The following RYR3 variants were observed in gnomAD, a reference collection of about 807,000 sequenced individuals.
RYR3 encodes ryanodine receptor 3, also known as brain ryanodine receptor-calcium release channel.
Under a neutral mutation model 584.3 loss-of-function variants are expected in RYR3, and 207 were observed. The observed-to-expected ratio is 0.35, with a 90% confidence interval of 0.32 to 0.40. RYR3 has a LOEUF of 0.40. RYR3 is among the 10% of genes least tolerant of loss of function. RYR3 has a pLI of 1.00. For synonymous variants in RYR3, 2,416 were observed against 2,248.5 expected, an observed-to-expected ratio of 1.07 and a Z score of -2.11; for missense variants, 5,616 against 6,089.2, an observed-to-expected ratio of 0.92 and a Z score of 2.59.
chr15:33,665,059 A>G (rs2063418905), intron 36 of RYR3, among the ~76,000 whole-genome samples: 1 of 152,166 alleles, frequency 6.6e-6, no homozygotes, highest in Non-Finnish European at 1.5e-5. Flanking sequence ...TTTTCCAAGA[A>G]TTACTCCTGA....
intron 7 of RYR3, among the ~76,000 whole-genome samples, chr15:33,541,938 G>A (rs1053856853): frequency 6.6e-6 from 1 of 152,086 alleles, no homozygotes; most frequent in African/African-American, 2.4e-5. Context: ...TCTCAAGAAA[G>A]TTTTGGCTCA....
intron 52 of RYR3, among the ~76,000 whole-genome samples, chr15:33,743,415 C>G (rs1341616699): frequency 6.6e-6 from 1 of 152,218 alleles, no homozygotes; most frequent in Non-Finnish European, 1.5e-5. Context: ...CTCCACTTGG[C>G]CGTTGCGGCA....
chr15:33,739,991 A>T lies in RYR3; in HGVS notation c.7816A>T (p.Met2606Leu). 1 of 1,613,726 alleles carries T rather than the reference A, an allele frequency of 6.2e-7. No individual in the cohort carries two copies. Among genetic ancestry groups the T allele is most frequent in the Non-Finnish European group, 8.5e-7 (1 of 1,179,686 alleles). The change falls in exon 51 of 104, where the codon ATG becomes TTG. Residue 2606 changes from methionine to leucine, a missense_variant. Met to Leu is a conservative substitution (Grantham distance 15). Coordinates refer to ENST00000634891, the MANE Select transcript of RYR3 (RefSeq NM_001036.6). ...GNFDPKPINT[M>L]NFSLPEKLEY... Reference sequence around the variant, plus strand: ...CTTTGACCCAAAACCTATTAACACCATGAAGTGAGTCCAGAATCATCTCTG... The same window carrying T: ...CTTTGACCCAAAACCTATTAACACCTTGAAGTGAGTCCAGAATCATCTCTG...
At chr15:33,455,968 T>C (rs2047522053) in intron 1 of RYR3, among the ~76,000 whole-genome samples, 1 of 152,338 alleles carries the variant, frequency 6.6e-6, no homozygotes, top group Middle Eastern at 3.4e-3. Flanking sequence ...ACTGTTTCCT[T>C]AGATTGTATT....
intron 16 of RYR3, among the ~76,000 whole-genome samples, chr15:33,591,709 ATCT>A (rs1357458877): frequency 6.6e-6 from 1 of 152,196 alleles, no homozygotes; most frequent in Non-Finnish European, 1.5e-5. Context: ...ATTTTTTATT[ATCT>A]TCTTTGTTTT....
chr15:33,408,161 C>T (rs765809244), intron 1 of RYR3, among the ~76,000 whole-genome samples: 5 of 152,112 alleles, frequency 3.3e-5, no homozygotes, highest in Non-Finnish European at 5.9e-5. Context: ...AAGCTCTTCC[C>T]GCACCCCCTT....
chr15:33,755,331 A>T (rs1172253924), intron 58 of RYR3, among the ~76,000 whole-genome samples, 151 bp downstream of exon 58: 2 of 152,150 alleles, frequency 1.3e-5, no homozygotes. Flanking sequence ...CTTAAAAAAA[A>T]TCAATCCGGC....
intron 1 of RYR3, among the ~76,000 whole-genome samples, chr15:33,324,448 A>G (rs1969417986): frequency 6.6e-6 from 1 of 152,192 alleles, no homozygotes; most frequent in Non-Finnish European, 1.5e-5. Flanking sequence ...AGATGCTAAT[A>G]TCTTAGATAA....
In RYR3 at chr15:33,473,492, G is replaced by T. The variant is rs2049110755; in HGVS notation, c.125G>T (p.Gly42Val). ...AGGAAGTTCTGCCTGGCAGCCGAGG[G>T]ACTTGGGAATCGCCTGTGCTTCTTG... Reference protein sequence around the residue: ...EQRKFCLAAEGLGNRLCFLEP... With the variant: ...EQRKFCLAAEVLGNRLCFLEP... Residue 42 changes from glycine to valine, a missense_variant, in exon 2 of 104, where the codon GGA (glycine) becomes GTA (valine). Physicochemically the swap from Gly to Val is moderately radical, Grantham distance 109. Coordinates refer to ENST00000634891, the MANE Select transcript of RYR3 (RefSeq NM_001036.6). The T allele has an allele frequency of 1.2e-6, 2 of 1,613,960 alleles. No homozygotes were observed. The highest frequency in any genetic ancestry group is 1.7e-6 in the Non-Finnish European group (2 of 1,179,880).
chr15:33,837,466 T>C (rs1027792505), intron 88 of RYR3, among the ~76,000 whole-genome samples, 165 bp from the exon 89 acceptor site: 3 of 152,218 alleles, frequency 2.0e-5, no homozygotes, highest in Non-Finnish European at 2.9e-5. Flanking sequence ...CCTTGGCTCC[T>C]AGTGGTGTAG....
intron 74 of RYR3, among the ~76,000 whole-genome samples, chr15:33,814,322 A>G (rs976283236): frequency 6.6e-6 from 1 of 152,190 alleles, no homozygotes; most frequent in South Asian, 2.1e-4. Context: ...TCAATAAACA[A>G]AGCTGGTAAT....
chr15:33,462,965 GT>G (rs1442993647), intron 1 of RYR3, among the ~76,000 whole-genome samples: 1 of 152,062 alleles, frequency 6.6e-6, no homozygotes, highest in African/African-American at 2.4e-5. Flanking sequence ...GAGCCCAGAA[GT>G]TTGAGACCAG....
At chr15:33,737,218 C>T (rs1184951367) in intron 49 of RYR3, among the ~76,000 whole-genome samples, 1 of 152,234 alleles carries the variant, frequency 6.6e-6, no homozygotes, top group African/African-American at 2.4e-5. Flanking sequence ...CTCAGTCTCC[C>T]AAAGTGCTGG....
chr15:33,848,629 TCAGA>T (rs1177619774), intron 94 of RYR3, among the ~76,000 whole-genome samples: 11 of 152,184 alleles, frequency 7.2e-5, no homozygotes, highest in Admixed American at 2.0e-4. Flanking sequence ...GAAGATATTA[TCAGA>T]AAGTACTGAA....
At chr15:33,587,473 A>C (rs1268429356) in intron 16 of RYR3, among the ~76,000 whole-genome samples, 1 of 152,222 alleles carries the variant, frequency 6.6e-6, no homozygotes, top group South Asian at 2.1e-4. Context: ...CAAAAGCCAC[A>C]AAGCATTTGA....
At chr15:33,637,850 G>A (rs371399208) in intron 27 of RYR3, among the ~76,000 whole-genome samples, 3 of 151,778 alleles carry the variant, frequency 2.0e-5, no homozygotes, top group Non-Finnish European at 4.4e-5. Flanking sequence ...TGTGCACAAC[G>A]TGCAGGTTTG....
intron 18 of RYR3, among the ~76,000 whole-genome samples, chr15:33,607,477 G>T (rs1241638808): frequency 6.6e-6 from 1 of 152,110 alleles, no homozygotes; most frequent in South Asian, 2.1e-4. Flanking sequence ...GGTCTCTAGA[G>T]TTATTCAGAG....
intron 64 of RYR3, among the ~76,000 whole-genome samples, chr15:33,779,777 C>T (rs1244938133): frequency 1.3e-5 from 2 of 151,788 alleles, no homozygotes; most frequent in African/African-American, 4.8e-5. Context: ...CCGAGGCGGG[C>T]AGATCACAAG....
intron 18 of RYR3, among the ~76,000 whole-genome samples, chr15:33,610,202 A>G (rs990025293): frequency 1.3e-5 from 2 of 151,920 alleles, no homozygotes; most frequent in African/African-American, 2.4e-5. Context: ...CAGCCTTACC[A>G]AACTCCAGCC....
Sources: allele counts gnomAD v4.1 joint callset (sites outside exome capture counted in the v4.1 genomes callset), GRCh38; gene constraint gnomAD v4.1.1; transcripts MANE v1.5; gene names NCBI Gene and HGNC (gene_info 2026-07-23, HGNC 2026-07-21).